PDHX: variants seen among roughly 807,000 people sequenced by gnomAD.
The protein encoded by PDHX is pyruvate dehydrogenase protein X component, mitochondrial.
PDHX carries 33 observed loss-of-function variants against 55.3 expected under a neutral mutation model. The ratio of observed to expected loss-of-function variants is 0.60; its 90% CI spans 0.45 to 0.80. The LOEUF (loss-of-function observed/expected upper bound fraction) is 0.80, where lower values mean the gene tolerates loss of function less well. Ranked by LOEUF, PDHX falls within the 30% of genes least tolerant of loss-of-function variation. The probability of loss-of-function intolerance (pLI) is 0.00; values close to 1 mark genes in which losing one functional copy is unlikely to be tolerated. For synonymous variants in PDHX, 226 were observed against 219.4 expected, an observed-to-expected ratio of 1.03 and a Z score of -0.27; for missense variants, 622 against 619.9, an observed-to-expected ratio of 1.00 and a Z score of -0.04.
At chr11:34,953,330 G>A (rs1854823533) in intron 3 of PDHX, among the ~76,000 whole-genome samples, 1 of 152,008 alleles carries the variant, frequency 6.6e-6, no homozygotes, top group African/African-American at 2.4e-5. Context: ...TCACAGAATT[G>A]GAAAAAACTA....
At chr11:34,948,573 C>CTTTTTTTTTTTTTTTTTTTTTTTTTTTT in intron 3 of PDHX, among the ~76,000 whole-genome samples, 1 of 135,040 alleles carries the variant, frequency 7.4e-6, no homozygotes, top group Non-Finnish European at 1.6e-5. Flanking sequence ...TCCTCTTTTC[C>CTTTTTTTTTTTTTTTTTTTTTTTTTTTT]TTTTTTTTTT....
chr11:34,992,469 A>G (rs1855775370), intron 10 of PDHX, 90 bp downstream of exon 10: 1 of 714,170 alleles, frequency 1.4e-6, no homozygotes. Flanking sequence ...TATCTGAAAT[A>G]TTTTTTAAAA....
At chr11:34,916,043 T>A, upstream of PDHX, 1 of 743,068 alleles carries the variant, frequency 1.3e-6, no homozygotes, top group Non-Finnish European at 2.1e-6. Flanking sequence ...ACTGATCTCC[T>A]GGGGCCTCGC....
intron 2 of PDHX, among the ~76,000 whole-genome samples, chr11:34,939,777 A>G (rs1854428680): frequency 6.6e-6 from 1 of 152,200 alleles, no homozygotes; most frequent in African/African-American, 2.4e-5. Context: ...TTCTAAGAAA[A>G]TAAGTTTTAT....
chr11:34,974,894 C>CA (rs1200929378), intron 7 of PDHX, among the ~76,000 whole-genome samples: 1 of 152,104 alleles, frequency 6.6e-6, no homozygotes, highest in African/African-American at 2.4e-5. Context: ...GCTCATAGAG[C>CA]AAGACCTGTC....
intron 3 of PDHX, among the ~76,000 whole-genome samples, chr11:34,950,015 C>T (rs796893047): frequency 2.0e-5 from 3 of 152,076 alleles, no homozygotes; most frequent in African/African-American, 7.2e-5. Flanking sequence ...TAATTATTCT[C>T]GGTACTATTC....
chr11:34,937,442 CTTT>C (rs36061427), intron 2 of PDHX, among the ~76,000 whole-genome samples: 7 of 134,560 alleles, frequency 5.2e-5, no homozygotes, highest in Admixed American at 1.5e-4. Context: ...GAGTTGCTGA[CTTT>C]TTTTTTTTTT....
At chr11:34,948,705 C>T (rs770271774) in intron 3 of PDHX, among the ~76,000 whole-genome samples, 9 of 151,044 alleles carry the variant, frequency 6.0e-5, no homozygotes, top group Non-Finnish European at 1.2e-4. Flanking sequence ...ATACAGTTAA[C>T]TTCCTTGTAG....
At chr11:34,933,346 A>T (rs11032935) in intron 2 of PDHX, among the ~76,000 whole-genome samples, 2 of 152,038 alleles carry the variant, frequency 1.3e-5, no homozygotes, top group Admixed American at 1.3e-4. Context: ...GCCCTAATAG[A>T]TTATAACTGA....
intron 8 of PDHX, among the ~76,000 whole-genome samples, chr11:34,982,700 A>G (rs1474607349): frequency 6.6e-6 from 1 of 152,170 alleles, no homozygotes; most frequent in Non-Finnish European, 1.5e-5. Context: ...CTCGACACAT[A>G]CACCCTCCCA....
rs556436003 is a variant in PDHX at position 34,974,072 on chromosome 11, G to A, written c.964+3786G>A. Among the ~76,000 whole-genome samples the A allele has an allele frequency of 6.2e-4, 95 of 152,220 alleles. 1 individual carries two copies. The highest frequency in any genetic ancestry group is 2.1e-3 in the African/African-American group (89 of 41,524). On this transcript the variant is annotated intron_variant, in intron 7 of 10. Coordinates refer to ENST00000227868, the MANE Select transcript of PDHX (RefSeq NM_003477.3). Reference sequence around the variant, plus strand: ...ACCATTTTCCGTGTACAGTTAGTTCGTTGACATTAAGTACATTTACATTGT... The same window carrying A: ...ACCATTTTCCGTGTACAGTTAGTTCATTGACATTAAGTACATTTACATTGT...
intron 1 of PDHX, among the ~76,000 whole-genome samples, chr11:34,927,370 T>C (rs1433026771): frequency 6.6e-6 from 1 of 152,088 alleles, no homozygotes; most frequent in African/African-American, 2.4e-5. Flanking sequence ...CCTTCTTAAT[T>C]TGACAAGAGA....
At position 34,943,154 on chromosome 11, in the gene PDHX, C is replaced by A. The variant is rs551103160; in HGVS notation, c.242-4352C>A. Among the ~76,000 whole-genome samples, 3 of 151,996 alleles carry A rather than the reference C, an allele frequency of 2.0e-5. No individual in the cohort carries two copies. In the East Asian group the frequency reaches 5.8e-4, roughly 29 times the overall value. On this transcript the variant is annotated intron_variant, in intron 2 of 10. Coordinates refer to ENST00000227868, the MANE Select transcript of PDHX (RefSeq NM_003477.3). ...ATGGGAATATAAAACATTTAAGTGT[C>A]CTGTCCGTATTGTGAAGAAGCTCAT... is the stretch of plus-strand genomic sequence containing the variant.
intron 2 of PDHX, among the ~76,000 whole-genome samples, chr11:34,933,789 C>G (rs932254303): frequency 6.6e-6 from 1 of 151,982 alleles, no homozygotes; most frequent in East Asian, 1.9e-4. Flanking sequence ...GTCAGAAACT[C>G]CTGAGGGCAT....
At chr11:34,949,945 CAA>C (rs1456311965) in intron 3 of PDHX, among the ~76,000 whole-genome samples, 6 of 152,014 alleles carry the variant, frequency 3.9e-5, no homozygotes, top group African/African-American at 1.4e-4. Context: ...GATATTAAAA[CAA>C]ATTTTTTTTA....
At chr11:34,982,180 A>C (rs2732560) in intron 8 of PDHX, among the ~76,000 whole-genome samples, 91,028 of 151,940 alleles carry the variant, frequency 0.6, 28,798 homozygotes, top group East Asian at 0.75. Context: ...ATTTTTGTAT[A>C]AGGTGTAAGG....
At chr11:34,992,647 C>T (rs566069070) in intron 10 of PDHX, among the ~76,000 whole-genome samples, 1 of 152,206 alleles carries the variant, frequency 6.6e-6, no homozygotes, top group East Asian at 1.9e-4. Context: ...TAGTATCTGA[C>T]CCACCCCCAA....
chr11:34,963,277 A>T (rs1389488349), intron 5 of PDHX, among the ~76,000 whole-genome samples: 2 of 151,216 alleles, frequency 1.3e-5, no homozygotes. Flanking sequence ...AACGTTTTGA[A>T]TTTTTTTTTC....
chr11:34,960,281 CTG>C, intron 4 of PDHX, 137 bp from the exon 5 acceptor site: 1 of 627,228 alleles, frequency 1.6e-6, no homozygotes. Flanking sequence ...GATTATTTGA[CTG>C]TGACCATCTG....
Sources: allele counts gnomAD v4.1 joint callset (sites outside exome capture counted in the v4.1 genomes callset), GRCh38; gene constraint gnomAD v4.1.1; transcripts MANE v1.5; gene names NCBI Gene and HGNC (gene_info 2026-07-23, HGNC 2026-07-21).